The following OLAH variants were observed in gnomAD, a reference collection of about 807,000 sequenced individuals.
OLAH encodes the protein oleoyl-ACP hydrolase.
Under a neutral mutation model 27.8 loss-of-function variants are expected in OLAH, and 33 were observed. That is an observed-to-expected ratio of 1.19 (90% CI 0.90 to 1.59). The LOEUF (loss-of-function observed/expected upper bound fraction) is 1.59. Among genes scored for constraint, OLAH ranks in the 40% most tolerant of loss-of-function variants. The pLI, the probability that OLAH is intolerant of heterozygous loss-of-function variation, is 0.00. For missense variants in OLAH, 359 were observed against 310.8 expected (o/e 1.16, Z -1.17); for synonymous variants, 120 against 102.9 (o/e 1.17, Z -1.01).
intron 6 of OLAH, among the ~76,000 whole-genome samples, chr10:15,071,155 A>G (rs974060132): frequency 6.6e-5 from 10 of 151,838 alleles, no homozygotes; most frequent in African/African-American, 2.4e-4. Context: ...GTTCTTCTCT[A>G]TTCATTCAGG....
At chr10:15,062,389 G>A (rs1844385386) in intron 4 of OLAH, among the ~76,000 whole-genome samples, 1 of 152,036 alleles carries the variant, frequency 6.6e-6, no homozygotes, top group East Asian at 1.9e-4. Flanking sequence ...TACAAATATG[G>A]TCAAGCAGAA....
chr10:15,069,348 C>T (rs1211249315), intron 6 of OLAH, among the ~76,000 whole-genome samples: 2 of 152,252 alleles, frequency 1.3e-5, no homozygotes, highest in Middle Eastern at 3.4e-3. Context: ...TTTATCCTCC[C>T]TGCAGCAGCC....
intron 4 of OLAH, 143 bp downstream of exon 4, chr10:15,062,005 T>A: frequency 1.3e-6 from 1 of 747,676 alleles, no homozygotes; most frequent in Non-Finnish European, 2.1e-6. Context: ...ATCACAACTT[T>A]TACAATTCAC....
chr10:15,052,865 C>T (rs1221287033), intron 3 of OLAH, among the ~76,000 whole-genome samples: 3 of 151,302 alleles, frequency 2.0e-5, no homozygotes, highest in African/African-American at 7.3e-5. Context: ...GCCTCAGCCT[C>T]CTGAGTAGTT....
intron 1 of OLAH, among the ~76,000 whole-genome samples, chr10:15,044,650 T>A (rs1843981307): frequency 6.6e-6 from 1 of 152,112 alleles, no homozygotes; most frequent in African/African-American, 2.4e-5. Flanking sequence ...AAACTTAGTT[T>A]TTACTTGTCT....
chr10:15,034,236 G>A (rs774735054), intron 1 of OLAH, among the ~76,000 whole-genome samples: 1 of 151,510 alleles, frequency 6.6e-6, no homozygotes, highest in Non-Finnish European at 1.5e-5. Context: ...GGGTTCAAGA[G>A]ATTCTCCTGC....
At position 15,065,622 on chromosome 10, in the gene OLAH, G is replaced by A; in HGVS notation, c.441G>A (p.Leu147=). 7 of 1,612,658 alleles carry A rather than the reference G, an allele frequency of 4.3e-6. No homozygotes were observed. The highest frequency in any genetic ancestry group is 2.2e-5 in the South Asian group (2 of 90,576). The part of the protein sequence containing the change: ...AWHRIPKDDE[L]SEEQISHYLM... ...ATCGCATTCCCAAAGATGATGAATT[G>A]TCAGAAGAACAAATAAGTCATTACC... The change falls in exon 6 of 8, where the codon TTG becomes TTA. Residue 147 remains leucine (L), a synonymous_variant. Coordinates refer to ENST00000378228, the MANE Select transcript of OLAH (RefSeq NM_001039702.3).
chr10:15,055,438 G>T (rs1844227178), intron 3 of OLAH, among the ~76,000 whole-genome samples: 1 of 152,086 alleles, frequency 6.6e-6, no homozygotes, highest in African/African-American at 2.4e-5. Flanking sequence ...TTAGCTATCA[G>T]GATTCCCAAC....
At chr10:15,045,512 G>A (rs1467392632) in intron 1 of OLAH, among the ~76,000 whole-genome samples, 2 of 152,130 alleles carry the variant, frequency 1.3e-5, no homozygotes, top group Non-Finnish European at 2.9e-5. Flanking sequence ...TTTTTTCTGA[G>A]AGTTGATGGT....
chr10:15,056,868 C>A (rs766328339), intron 3 of OLAH: 6 of 1,528,266 alleles, frequency 3.9e-6, no homozygotes, highest in South Asian at 1.2e-5. Flanking sequence ...CAAACTCCGG[C>A]GCTCAAGTGA....
At chr10:15,047,527 T>A (rs1844044617) in intron 2 of OLAH, 1 of 558,336 alleles carries the variant, frequency 1.8e-6, no homozygotes, top group South Asian at 2.0e-5. Context: ...AAACCCTGTC[T>A]CTACTAAAAA....
intron 3 of OLAH, among the ~76,000 whole-genome samples, chr10:15,060,846 C>T (rs1023468463): frequency 6.6e-6 from 1 of 152,056 alleles, no homozygotes; most frequent in Non-Finnish European, 1.5e-5. Flanking sequence ...GTGAGTTTTA[C>T]ATTGTTGGGT....
intron 3 of OLAH, 105 bp downstream of exon 3, chr10:15,049,870 A>C: frequency 9.4e-7 from 1 of 1,069,376 alleles, no homozygotes; most frequent in Non-Finnish European, 1.3e-6. Context: ...TAGGTAATTG[A>C]TAATAAACTT....
chr10:15,057,155 C>A (rs1425336266), intron 3 of OLAH, among the ~76,000 whole-genome samples: 1 of 152,070 alleles, frequency 6.6e-6, no homozygotes, highest in Non-Finnish European at 1.5e-5. Context: ...TAACCCTATA[C>A]CCTAACCCCA....
At chr10:15,063,812 CA>C (rs1350323668) in intron 4 of OLAH, among the ~76,000 whole-genome samples, 3 of 151,902 alleles carry the variant, frequency 2.0e-5, no homozygotes, top group Non-Finnish European at 4.4e-5. Context: ...CTATATTTTC[CA>C]AAAAAATGTG....
Position 15,047,317 on chromosome 10 carries a change from C to A in OLAH, c.29C>A (p.Thr10Asn). The part of the protein sequence containing the change: MERGDQPKR[T>N]RNENIFNCLY... ...GAGAGAGGAGACCAACCTAAGAGAACCAGGCAGGCCACCCCTTGTGCCACC... is the reference window on the plus strand; with the variant it reads ...GAGAGAGGAGACCAACCTAAGAGAAACAGGCAGGCCACCCCTTGTGCCACC... The change falls in exon 2 of 8, where the codon ACC (threonine) becomes AAC (asparagine). Residue 10 changes from threonine to asparagine, a missense_variant. By Grantham distance (65) the Thr-to-Asn change is moderately conservative. Transcript: ENST00000378228. 2 of 1,613,566 alleles carry A rather than the reference C, an allele frequency of 1.2e-6. No individual in the cohort carries two copies. Among genetic ancestry groups the A allele is most frequent in the East Asian group, 2.2e-5 (1 of 44,864 alleles).
rs532285786 is a variant in OLAH at position 15,060,573 on chromosome 10, A to T, written c.164-1151A>T. Among the ~76,000 whole-genome samples the T allele has an allele frequency of 4.6e-5, 7 of 151,440 alleles. No homozygotes were observed. In the South Asian group the frequency reaches 8.3e-4, roughly 18 times the overall value. ...TTAATCCCATCTGGTGTTTTTAAAAATTTTTCAGATATTTTACATCTCTAC... is the reference window on the plus strand; with the variant it reads ...TTAATCCCATCTGGTGTTTTTAAAATTTTTTCAGATATTTTACATCTCTAC... On this transcript the variant is annotated intron_variant, in intron 3 of 7. Coordinates refer to ENST00000378228, the MANE Select transcript of OLAH (RefSeq NM_001039702.3).
chr10:15,053,311 T>C (rs140346136), intron 3 of OLAH, among the ~76,000 whole-genome samples: 2 of 152,188 alleles, frequency 1.3e-5, no homozygotes, highest in African/African-American at 2.4e-5. Context: ...AGTCCCCCAA[T>C]AGCTACAACA....
intron 3 of OLAH, chr10:15,056,736 T>A (rs1844252656): frequency 8.0e-7 from 1 of 1,248,140 alleles, no homozygotes; most frequent in South Asian, 3.2e-5. Context: ...CCTCAAGTGA[T>A]CCTCCCACCT....
Sources: gnomAD v4.1 joint callset for allele counts (sites outside exome capture counted in the v4.1 genomes callset) on GRCh38, gnomAD v4.1.1 for gene constraint, MANE v1.5 for transcripts, NCBI Gene and HGNC (gene_info 2026-07-23, HGNC 2026-07-21) for gene names.